The following KIAA1671 variants were observed in gnomAD, a reference collection of about 807,000 sequenced individuals.
KIAA1671 encodes the protein uncharacterized protein KIAA1671.
Under a neutral mutation model 131.2 loss-of-function variants are expected in KIAA1671, and 52 were observed. The observed-to-expected ratio is 0.40, with a 90% CI of 0.32 to 0.50. KIAA1671 has a LOEUF of 0.50. Ranked by LOEUF, KIAA1671 falls within the 20% of genes least tolerant of loss-of-function variation. The pLI is 0.73. For synonymous variants in KIAA1671, 1,003 were observed against 961.6 expected (o/e 1.04, Z -0.80); for missense variants, 2,360 against 2,364.2 (o/e 1.00, Z 0.04).
At chr22:25,109,398 G>A (rs566948028) in intron 6 of KIAA1671, among the ~76,000 whole-genome samples, 6 of 152,012 alleles carry the variant, frequency 3.9e-5, no homozygotes, top group East Asian at 1.9e-4. Flanking sequence ...ATGAGCCGCC[G>A]CACCTGGCCC....
At chr22:25,112,299 G>T (rs1191834768) in intron 6 of KIAA1671, 1 of 398,966 alleles carries the variant, frequency 2.5e-6, no homozygotes. Context: ...GGCCACGAAC[G>T]GACGAGTGCA....
chr22:25,008,035 TA>T (rs1274833044), intron 1 of KIAA1671, among the ~76,000 whole-genome samples: 1 of 151,584 alleles, frequency 6.6e-6, no homozygotes, highest in Non-Finnish European at 1.5e-5. Flanking sequence ...CTGTCTCTAT[TA>T]AAAATACAAA....
At chr22:25,093,558 A>G (rs1930124830) in intron 6 of KIAA1671, among the ~76,000 whole-genome samples, 1 of 151,962 alleles carries the variant, frequency 6.6e-6, no homozygotes, top group African/African-American at 2.4e-5. Flanking sequence ...CCTCCAAGGG[A>G]TCTCATTAAG....
chr22:25,182,779 A>G (rs976391685), intron 10 of KIAA1671, among the ~76,000 whole-genome samples: 1 of 152,190 alleles, frequency 6.6e-6, no homozygotes, highest in African/African-American at 2.4e-5. Context: ...AGTGCTGAAC[A>G]TCAGGGAAGC....
chr22:25,159,029 G>C (rs1265742574), intron 6 of KIAA1671, among the ~76,000 whole-genome samples: 4 of 152,088 alleles, frequency 2.6e-5, no homozygotes, highest in Non-Finnish European at 4.4e-5. Context: ...GCCTACCTCT[G>C]ACACCCACAG....
intron 1 of KIAA1671, among the ~76,000 whole-genome samples, chr22:25,018,451 C>G (rs1396810627): frequency 6.6e-6 from 1 of 151,862 alleles, no homozygotes; most frequent in African/African-American, 2.4e-5. Flanking sequence ...TTTAAGTATA[C>G]AGTTTGGTGG....
chr22:25,088,157 G>A (rs1051345697), intron 6 of KIAA1671, among the ~76,000 whole-genome samples: 13 of 151,252 alleles, frequency 8.6e-5, no homozygotes, highest in Admixed American at 2.0e-4. Flanking sequence ...GCCCAGGCTG[G>A]AGTGCAGTGG....
At chr22:24,955,044 GT>G (rs1921620097) in intron 1 of KIAA1671, among the ~76,000 whole-genome samples, 1 of 152,186 alleles carries the variant, frequency 6.6e-6, no homozygotes, top group African/African-American at 2.4e-5. Context: ...GCCTCCCAAA[GT>G]GCTAGGATTA....
At chr22:25,095,706 A>C (rs938080779) in intron 6 of KIAA1671, among the ~76,000 whole-genome samples, 3 of 152,226 alleles carry the variant, frequency 2.0e-5, no homozygotes, top group Non-Finnish European at 2.9e-5. Context: ...GATAAGCTGT[A>C]GGAATACTGA....
intron 1 of KIAA1671, among the ~76,000 whole-genome samples, chr22:25,020,701 G>T (rs1925617509): frequency 6.6e-6 from 1 of 152,204 alleles, no homozygotes; most frequent in East Asian, 1.9e-4. Flanking sequence ...CCTCCTGGAG[G>T]AGGTGGCATT....
chr22:25,093,737 A>ACACT (rs1568950992), intron 6 of KIAA1671, among the ~76,000 whole-genome samples: 25 of 30,122 alleles, frequency 8.3e-4, no homozygotes, highest in Non-Finnish European at 1.2e-3. Flanking sequence ...ACACACACAC[A>ACACT]CTCTCTCTCT....
At chr22:25,158,889 A>G (rs148810052) in intron 6 of KIAA1671, among the ~76,000 whole-genome samples, 1 of 152,358 alleles carries the variant, frequency 6.6e-6, no homozygotes, top group East Asian at 1.9e-4. Flanking sequence ...TATCTGTGAA[A>G]TGGGGATATT....
rs1348650676 is a variant in KIAA1671, at chr22:25,154,653, C to T, written c.4531-16167C>T. ...TCTGTCTCAGGCAATGGAATGTCAGCCCGACTGGTTTTCCCCCTTTCCCTG... is the reference window on the plus strand; with the variant it reads ...TCTGTCTCAGGCAATGGAATGTCAGTCCGACTGGTTTTCCCCCTTTCCCTG... On this transcript the variant is annotated intron_variant, in intron 6 of 12. Transcript: ENST00000358431. Among the ~76,000 whole-genome samples the T allele has an allele frequency of 2.6e-5, 4 of 152,226 alleles. No individual in the cohort carries two copies. In the East Asian group the frequency reaches 5.8e-4, roughly 22 times the overall value.
intron 6 of KIAA1671, among the ~76,000 whole-genome samples, chr22:25,132,401 G>A (rs1932482182): frequency 6.6e-6 from 1 of 152,182 alleles, no homozygotes; most frequent in Non-Finnish European, 1.5e-5. Flanking sequence ...AGGGGGCATA[G>A]CAGAAAGAAC....
intron 1 of KIAA1671, among the ~76,000 whole-genome samples, chr22:24,982,965 C>A (rs1028742841): frequency 2.6e-5 from 4 of 152,190 alleles, no homozygotes; most frequent in African/African-American, 7.2e-5. Context: ...TCTGAGCTTC[C>A]TTCCAGGCAT....
intron 6 of KIAA1671, among the ~76,000 whole-genome samples, chr22:25,093,741 T>A (rs1183449351): frequency 2.2e-3 from 254 of 117,574 alleles, no homozygotes; most frequent in East Asian, 9.0e-3. Context: ...ACACACACTC[T>A]CTCTCTCTCT....
At chr22:25,016,533 A>G (rs1253699781) in intron 1 of KIAA1671, among the ~76,000 whole-genome samples, 1 of 152,212 alleles carries the variant, frequency 6.6e-6, no homozygotes, top group African/African-American at 2.4e-5. Flanking sequence ...GGCCCAGACT[A>G]AGGCAGGGAG....
chr22:25,008,255 C>G lies in KIAA1671; in HGVS notation c.-207-17378C>G, dbSNP rs73157973. ...AAGTTGCTGTCTAACACCATTGGCT[C>G]ACCAATTCTTCCTGGGCAAAGCCAA... On this transcript the variant is annotated intron_variant, in intron 1 of 12. Coordinates refer to ENST00000358431, the MANE Select transcript of KIAA1671 (RefSeq NM_001145206.2). Among the ~76,000 whole-genome samples, 699 of 150,852 alleles carry G rather than the reference C, an allele frequency of 4.6e-3. 4 individuals are homozygous for G. Among genetic ancestry groups the G allele is most frequent in the Middle Eastern group, 6.8e-3 (2 of 292 alleles).
At chr22:24,977,192 A>C (rs1922958506) in intron 1 of KIAA1671, among the ~76,000 whole-genome samples, 1 of 152,172 alleles carries the variant, frequency 6.6e-6, no homozygotes, top group East Asian at 1.9e-4. Context: ...ATCAGCATCA[A>C]ACATATCCCT....
Sources: gnomAD v4.1 joint callset for allele counts (sites outside exome capture counted in the v4.1 genomes callset) on GRCh38, gnomAD v4.1.1 for gene constraint, MANE v1.5 for transcripts, NCBI Gene and HGNC (gene_info 2026-07-23, HGNC 2026-07-21) for gene names.